The following SLC27A6 variants were observed in gnomAD, a reference collection of about 807,000 sequenced individuals.
SLC27A6 encodes solute carrier family 27 member 6.
In SLC27A6, 74 loss-of-function variants were observed where a neutral mutation model predicts 63.9. That is an observed-to-expected ratio of 1.16 (90% CI 0.96 to 1.40). The LOEUF (loss-of-function observed/expected upper bound fraction) is 1.40. Ranked by LOEUF, SLC27A6 falls within the 40% of genes most tolerant of loss-of-function variation. SLC27A6 has a pLI of 0.00. For missense variants in SLC27A6, 794 were observed against 732.9 expected (o/e 1.08, Z -0.96); for synonymous variants, 287 against 260.8 (o/e 1.10, Z -0.97).
At chr5:129,018,848 T>G (rs551833074) in intron 5 of SLC27A6, among the ~76,000 whole-genome samples, 9 of 152,266 alleles carry the variant, frequency 5.9e-5, no homozygotes, top group Non-Finnish European at 1.3e-4. Flanking sequence ...TTAGTTTTCT[T>G]TTTCAGTTTG....
rs1235971958 is a variant in SLC27A6 at position 129,029,685 on chromosome 5, G to C, written c.1661G>C (p.Cys554Ser). The C allele has an allele frequency of 6.3e-7, 1 of 1,598,918 alleles. No homozygotes were observed. Among genetic ancestry groups the C allele is most frequent in the Non-Finnish European group, 8.5e-7 (1 of 1,175,528 alleles). The change falls in exon 9 of 10, where the codon TGT becomes TCT. Residue 554 changes from cysteine to serine, a missense_variant. Coordinates refer to ENST00000262462, the MANE Select transcript of SLC27A6 (RefSeq NM_001017372.3). ...GTAACATTTCTACCAGCTTATGCTT[G>C]TCCACGATTTTTAAGAATTCAGGTA... The part of the protein sequence containing the change: ...QVVTFLPAYA[C>S]PRFLRIQEKM...
At chr5:129,019,413 T>C (rs1752004535) in intron 5 of SLC27A6, among the ~76,000 whole-genome samples, 1 of 149,770 alleles carries the variant, frequency 6.7e-6, no homozygotes, top group Admixed American at 6.7e-5. Flanking sequence ...GCACATTTTA[T>C]ACATAGGTGA....
chr5:128,974,306 A>G (rs1750300461), intron 1 of SLC27A6, among the ~76,000 whole-genome samples: 1 of 152,238 alleles, frequency 6.6e-6, no homozygotes, highest in African/African-American at 2.4e-5. Flanking sequence ...TGTATTTAAA[A>G]AAGCCACTTT....
intron 2 of SLC27A6, 102 bp from the exon 3 acceptor site, chr5:128,988,498 A>G (rs1448266995): frequency 1.1e-6 from 1 of 876,618 alleles, no homozygotes; most frequent in Admixed American, 2.5e-5. Context: ...TATCAGTATC[A>G]TCTTCTTTCT....
At position 129,033,118 on chromosome 5, in the gene SLC27A6, G is replaced by A. The variant is rs780892109; in HGVS notation, c.1696G>A (p.Ala566Thr). ...AATTGCTTTACAGGAAAAAATGGAA[G>A]CAACAGGAACATTCAAACTATTGAA... is the stretch of plus-strand genomic sequence containing the variant. ...RFLRIQEKME[A>T]TGTFKLLKHQ... Residue 566 changes from alanine (A) to threonine (T), a missense_variant, in exon 10 of 10, where the codon GCA (alanine) becomes ACA (threonine). Ala to Thr is a moderately conservative substitution (Grantham distance 58, BLOSUM62 0). Coordinates refer to ENST00000262462, the MANE Select transcript of SLC27A6 (RefSeq NM_001017372.3). 6.2e-7 allele frequency: 1 copy of A among 1,604,152 alleles called. No homozygotes were observed. The highest frequency in any genetic ancestry group is 8.5e-7 in the Non-Finnish European group (1 of 1,175,286).
chr5:129,004,251 T>G (rs1034453926), intron 4 of SLC27A6, among the ~76,000 whole-genome samples: 1 of 152,226 alleles, frequency 6.6e-6, no homozygotes. Context: ...TAGGTTTCTA[T>G]AATGTCAGTT....
intron 4 of SLC27A6, among the ~76,000 whole-genome samples, chr5:129,013,737 A>G (rs1044047647): frequency 1.3e-5 from 2 of 152,122 alleles, no homozygotes; most frequent in Non-Finnish European, 2.9e-5. Flanking sequence ...ATTCTCAGTT[A>G]AAATCTCTTC....
chr5:128,966,617 A>G lies in SLC27A6; in HGVS notation c.480A>G (p.Ala160=). The change falls in exon 1 of 10, where the codon GCA becomes GCG. Residue 160 remains alanine (A), a splice_region_variant and synonymous_variant. Transcript: ENST00000262462. ...ACGPRALVVG[A]DLLGTVEEIL... ...GGCCCAGAGCCCTAGTGGTGGGCGCAGGTAGAGTATGGGGTGTGGTCTGCC... is the reference window on the plus strand; with the variant it reads ...GGCCCAGAGCCCTAGTGGTGGGCGCGGGTAGAGTATGGGGTGTGGTCTGCC... 2.0e-6 allele frequency: 3 copies of G among 1,514,414 alleles called. No individual in the cohort carries two copies. The highest frequency in any genetic ancestry group is 4.4e-5 in the Admixed American group (2 of 45,424). 93.8% of individuals were successfully genotyped at this position (1,514,414 alleles called of 1,614,324 possible).
At chr5:129,025,782 C>T (rs577704402) in intron 6 of SLC27A6, among the ~76,000 whole-genome samples, 2 of 152,078 alleles carry the variant, frequency 1.3e-5, no homozygotes, top group South Asian at 4.2e-4. Flanking sequence ...TTTGCTTTGG[C>T]CAGTGACCTA....
chr5:128,986,263 G>T (rs1319785404), intron 2 of SLC27A6, among the ~76,000 whole-genome samples: 1 of 152,134 alleles, frequency 6.6e-6, no homozygotes, highest in African/African-American at 2.4e-5. Context: ...ATAGTGAGCT[G>T]ATTGCACCTC....
intron 4 of SLC27A6, among the ~76,000 whole-genome samples, chr5:129,004,868 C>G (rs1314743691): frequency 6.6e-6 from 1 of 152,152 alleles, no homozygotes; most frequent in African/African-American, 2.4e-5. Flanking sequence ...TTAAAGCTCT[C>G]TTTGCTGATC....
intron 4 of SLC27A6, among the ~76,000 whole-genome samples, chr5:129,008,425 A>G (rs1482491187): frequency 6.6e-6 from 1 of 152,200 alleles, no homozygotes; most frequent in Non-Finnish European, 1.5e-5. Context: ...TTGGTTTATA[A>G]ACCACCTTCA....
At chr5:128,975,428 C>T (rs552011823) in intron 1 of SLC27A6, among the ~76,000 whole-genome samples, 23 of 152,282 alleles carry the variant, frequency 1.5e-4, no homozygotes, top group African/African-American at 4.3e-4. Context: ...TGTACCTACA[C>T]GAACCTAGAT....
intron 4 of SLC27A6, among the ~76,000 whole-genome samples, chr5:129,012,856 G>A (rs1008754777): frequency 6.6e-6 from 1 of 151,828 alleles, no homozygotes; most frequent in African/African-American, 2.4e-5. Flanking sequence ...TTCATAAACA[G>A]GATATAGTTG....
intron 9 of SLC27A6, among the ~76,000 whole-genome samples, chr5:129,030,760 G>A (rs1354313782): frequency 6.6e-6 from 1 of 151,972 alleles, no homozygotes; most frequent in Non-Finnish European, 1.5e-5. Context: ...ACATTTTGCA[G>A]ATCTGTTACA....
chr5:128,984,549 T>C (rs995361386), intron 1 of SLC27A6, among the ~76,000 whole-genome samples: 1 of 152,216 alleles, frequency 6.6e-6, no homozygotes, highest in African/African-American at 2.4e-5. Flanking sequence ...ACCCAAACTG[T>C]GAATTGTAAA....
chr5:129,016,898 A>C (rs982363087), intron 5 of SLC27A6, among the ~76,000 whole-genome samples: 1 of 152,208 alleles, frequency 6.6e-6, no homozygotes, highest in African/African-American at 2.4e-5. Flanking sequence ...TCTCAGTAGC[A>C]ACCACAAAAC....
chr5:128,993,725 T>G (rs1751054632), intron 4 of SLC27A6, among the ~76,000 whole-genome samples: 1 of 152,206 alleles, frequency 6.6e-6, no homozygotes, highest in Non-Finnish European at 1.5e-5. Flanking sequence ...TGAATCTGTA[T>G]TGCACTGATT....
intron 8 of SLC27A6, among the ~76,000 whole-genome samples, chr5:129,028,829 T>A (rs1291997143): frequency 6.6e-6 from 1 of 152,074 alleles, no homozygotes; most frequent in Non-Finnish European, 1.5e-5. Flanking sequence ...GACTTTTAGT[T>A]AAGATGGCTC....
Sources: allele counts gnomAD v4.1 joint callset (sites outside exome capture counted in the v4.1 genomes callset), GRCh38; gene constraint gnomAD v4.1.1; transcripts MANE v1.5; gene names NCBI Gene and HGNC (gene_info 2026-07-23, HGNC 2026-07-21).